Variants in DOCK3 observed in about 807,000 individuals in gnomAD.
The protein encoded by DOCK3 is dedicator of cytokinesis 3, also known as dedicator of cytokinesis protein 3.
Under a neutral mutation model 265.6 loss-of-function variants are expected in DOCK3, and 60 were observed. The ratio of observed to expected loss-of-function variants is 0.23; its 90% CI spans 0.18 to 0.28. The LOEUF is 0.28. Ranked by LOEUF, DOCK3 falls within the 10% of genes least tolerant of loss-of-function variation. DOCK3 has a pLI of 1.00. For missense variants in DOCK3, 1,981 were observed against 2,594.3 expected, an observed-to-expected ratio of 0.76 and a Z score of 5.14; for synonymous variants, 881 against 938.0, an observed-to-expected ratio of 0.94 and a Z score of 1.11.
intron 2 of DOCK3, among the ~76,000 whole-genome samples, chr3:50,830,044 T>C (rs868256414): frequency 1.3e-5 from 2 of 152,220 alleles, no homozygotes; most frequent in Non-Finnish European, 2.9e-5. Flanking sequence ...TGTAGACCTT[T>C]TGAATAATTA....
At chr3:50,964,617 A>G (rs2076976890) in intron 5 of DOCK3, among the ~76,000 whole-genome samples, 1 of 152,200 alleles carries the variant, frequency 6.6e-6, no homozygotes, top group Non-Finnish European at 1.5e-5. Context: ...TGAAAAGAGC[A>G]TGAACTAGCT....
At chr3:51,041,627 C>A (rs535705492) in intron 5 of DOCK3, among the ~76,000 whole-genome samples, 1 of 152,236 alleles carries the variant, frequency 6.6e-6, no homozygotes, top group South Asian at 2.1e-4. Flanking sequence ...TCTCCTTGTA[C>A]ATCTCCATCA....
At chr3:51,029,795 G>A (rs1559963750) in intron 5 of DOCK3, among the ~76,000 whole-genome samples, 1 of 152,186 alleles carries the variant, frequency 6.6e-6, no homozygotes, top group Non-Finnish European at 1.5e-5. Flanking sequence ...TGGCTCAAGG[G>A]TGGAGAATCT....
At chr3:50,695,778 C>G (rs1401116500) in intron 1 of DOCK3, among the ~76,000 whole-genome samples, 1 of 152,166 alleles carries the variant, frequency 6.6e-6, no homozygotes, top group Non-Finnish European at 1.5e-5. Context: ...TACTTCGGAT[C>G]CCACTTCTGA....
In DOCK3 at chr3:51,381,933, C is replaced by T; in HGVS notation, c.*374C>T. The T allele has an allele frequency of 5.3e-6, 1 of 188,176 alleles. No homozygotes were observed. Among genetic ancestry groups the T allele is most frequent in the Non-Finnish European group, 1.1e-5 (1 of 91,672 alleles). 11.7% of individuals were successfully genotyped at this position (188,176 alleles called of 1,614,324 possible). A position where few individuals can be genotyped will look rare whatever the true frequency, so the allele number is the denominator to read the frequency against. On this transcript the variant is annotated 3_prime_UTR_variant, in exon 53 of 53. Transcript: ENST00000266037. The surrounding 1 kb of genome is among the most constrained non-coding windows in gnomAD (Gnocchi z 5.6). Reference sequence around the variant, plus strand: ...GGGCCCAGGAGTGGGAGCCCAGGCCCTCCCTCCAGGGTAGAGATGCACCGA... The same window carrying T: ...GGGCCCAGGAGTGGGAGCCCAGGCCTTCCCTCCAGGGTAGAGATGCACCGA...
At chr3:51,151,070 C>T (rs908499467) in intron 10 of DOCK3, among the ~76,000 whole-genome samples, 4 of 151,650 alleles carry the variant, frequency 2.6e-5, no homozygotes, top group African/African-American at 7.3e-5. Context: ...TAATGCCCTT[C>T]TTTGTCTCTT....
chr3:50,775,046 G>C (rs1328097338), intron 1 of DOCK3, among the ~76,000 whole-genome samples: 4 of 151,896 alleles, frequency 2.6e-5, no homozygotes, highest in Admixed American at 6.6e-5. Flanking sequence ...AGTTGGATTT[G>C]ATTTGCTTTG....
At chr3:50,909,905 T>C (rs1228625450) in intron 4 of DOCK3, among the ~76,000 whole-genome samples, 1 of 151,956 alleles carries the variant, frequency 6.6e-6, no homozygotes, top group Admixed American at 6.6e-5. Flanking sequence ...ATCTCAGCGG[T>C]TTTGTTCATT....
At chr3:51,152,388 T>C (rs1209088142) in intron 10 of DOCK3, among the ~76,000 whole-genome samples, 1 of 152,194 alleles carries the variant, frequency 6.6e-6, no homozygotes, top group African/African-American at 2.4e-5. Flanking sequence ...TAGTTAGCCA[T>C]TCATCAAATC....
rs757534844 is a variant in DOCK3, at chr3:51,211,368, A to AT, written c.1126+2515dup. On this transcript the variant is annotated intron_variant, in intron 13 of 52. Coordinates refer to ENST00000266037, the MANE Select transcript of DOCK3 (RefSeq NM_004947.5). ...TTTGTTATTTTCTTTCTTTTTTTTA[A>AT]TTTTTTTTTATTATTATACTTTAAG... Among the ~76,000 whole-genome samples the AT allele has an allele frequency of 1.2e-3, 175 of 151,250 alleles. 1 individual carries two copies. Among genetic ancestry groups the AT allele is most frequent in the Admixed American group, 2.0e-3 (31 of 15,154 alleles).
chr3:50,806,174 G>T (rs2106674430), intron 2 of DOCK3, among the ~76,000 whole-genome samples: 1 of 152,170 alleles, frequency 6.6e-6, no homozygotes, highest in Middle Eastern at 3.4e-3. Context: ...TGCCCAGCAG[G>T]CCTGGGGGTG....
intron 1 of DOCK3, among the ~76,000 whole-genome samples, chr3:50,726,242 CAG>C: frequency 6.6e-6 from 1 of 152,024 alleles, no homozygotes; most frequent in East Asian, 1.9e-4. Context: ...TCCATGGATA[CAG>C]AACTCTGTGG....
chr3:51,164,867 A>T (rs182742292), intron 12 of DOCK3, among the ~76,000 whole-genome samples: 86 of 151,642 alleles, frequency 5.7e-4, no homozygotes, highest in Middle Eastern at 3.5e-3. Context: ...TTTTTTGAGA[A>T]TACTGTCTTT....
At chr3:50,884,023 T>A (rs2048198679) in intron 3 of DOCK3, among the ~76,000 whole-genome samples, 1 of 152,172 alleles carries the variant, frequency 6.6e-6, no homozygotes, top group Non-Finnish European at 1.5e-5. Flanking sequence ...GCATAATGTT[T>A]TCTGAGTTCA....
At chr3:51,026,191 G>A (rs13326451) in intron 5 of DOCK3, among the ~76,000 whole-genome samples, 4 of 152,064 alleles carry the variant, frequency 2.6e-5, no homozygotes, top group African/African-American at 4.8e-5. Context: ...ATGAAGTGAC[G>A]TTGGATTTTA....
chr3:51,332,375 G>T (rs965050802), intron 33 of DOCK3, among the ~76,000 whole-genome samples: 1 of 152,196 alleles, frequency 6.6e-6, no homozygotes, highest in African/African-American at 2.4e-5. Flanking sequence ...AGGAGCATGG[G>T]GTTGTCAAGT....
chr3:50,817,805 G>T (rs1217981049), intron 2 of DOCK3, among the ~76,000 whole-genome samples: 1 of 151,872 alleles, frequency 6.6e-6, no homozygotes, highest in African/African-American at 2.4e-5. Flanking sequence ...TGTTTAAATG[G>T]CTGCTGAGCC....
chr3:50,757,971 T>G (rs2040272939), intron 1 of DOCK3, among the ~76,000 whole-genome samples: 1 of 151,540 alleles, frequency 6.6e-6, no homozygotes, highest in Non-Finnish European at 1.5e-5. Context: ...GTCAGGAAAT[T>G]GAGACCATCC....
At chr3:50,739,646 G>T (rs998697059) in intron 1 of DOCK3, among the ~76,000 whole-genome samples, 3 of 152,072 alleles carry the variant, frequency 2.0e-5, no homozygotes, top group Non-Finnish European at 4.4e-5. Context: ...TTGTTGAATG[G>T]ATCTCTACCC....
Sources: allele counts gnomAD v4.1 joint callset (sites outside exome capture counted in the v4.1 genomes callset), GRCh38; gene constraint gnomAD v4.1.1; non-coding constraint Gnocchi (gnomAD v3.1); transcripts MANE v1.5; gene names NCBI Gene and HGNC (gene_info 2026-07-23, HGNC 2026-07-21).